Variants in UBE3B observed in about 807,000 individuals in gnomAD.
UBE3B encodes ubiquitin protein ligase E3B, also known as ubiquitin-protein ligase E3B.
In UBE3B, 80 loss-of-function variants were observed where a neutral mutation model predicts 132.3. The observed-to-expected ratio is 0.60, with a 90% confidence interval of 0.50 to 0.73. The LOEUF (loss-of-function observed/expected upper bound fraction) is 0.73, where lower values mean the gene tolerates loss of function less well. Among genes scored for constraint, UBE3B ranks in the 30% least tolerant of loss-of-function variants. The pLI is 0.00. For synonymous variants in UBE3B, 487 were observed against 520.4 expected, an observed-to-expected ratio of 0.94 and a Z score of 0.87; for missense variants, 1,196 against 1,362.5, an observed-to-expected ratio of 0.88 and a Z score of 1.92.
intron 24 of UBE3B, 37 bp from the exon 25 acceptor site, chr12:109,529,853 T>G (rs764759169): frequency 6.2e-7 from 1 of 1,612,534 alleles, no homozygotes; most frequent in East Asian, 2.2e-5. Context: ...CCCCGTCCTG[T>G]TAATTGTCAT....
At position 109,536,149 on chromosome 12, in the gene UBE3B, G is replaced by T. The variant is rs1455432414; in HGVS notation, c.*1367G>T. ...AGCTGCATCCTGGTGTCCCACCCAG[G>T]TCGAGCCCCCAGGCTTCTGGAAAAG... On this transcript the variant is annotated 3_prime_UTR_variant, in exon 28 of 28. Coordinates refer to ENST00000342494, the MANE Select transcript of UBE3B (RefSeq NM_130466.4). 6.6e-6 allele frequency: 1 copy of T among 152,272 alleles called. No individual in the cohort carries two copies. The highest frequency in any genetic ancestry group is 2.4e-5 in the African/African-American group (1 of 41,472). 9.4% of individuals were successfully genotyped at this position (152,272 alleles called of 1,614,324 possible). A position where few individuals can be genotyped will look rare whatever the true frequency, so the allele number is the denominator to read the frequency against.
intron 6 of UBE3B, among the ~76,000 whole-genome samples, chr12:109,487,987 C>T (rs1876804092): frequency 6.6e-6 from 1 of 152,196 alleles, no homozygotes; most frequent in South Asian, 2.1e-4. Context: ...AATGAACTGT[C>T]ATCAAAATTA....
intron 18 of UBE3B, among the ~76,000 whole-genome samples, chr12:109,516,481 G>C (rs1038763712): frequency 6.6e-6 from 1 of 152,158 alleles, no homozygotes; most frequent in Non-Finnish European, 1.5e-5. Context: ...CCAGCCTTGA[G>C]GAGGATTTTC....
intron 4 of UBE3B, among the ~76,000 whole-genome samples, chr12:109,484,864 C>G (rs1425925983): frequency 6.6e-6 from 1 of 152,104 alleles, no homozygotes; most frequent in East Asian, 1.9e-4. Flanking sequence ...TCAAACGATT[C>G]TTCTGCCTCA....
intron 19 of UBE3B, chr12:109,520,462 G>C (rs1295796075): frequency 1.3e-5 from 2 of 152,480 alleles, no homozygotes; most frequent in Non-Finnish European, 2.9e-5. Context: ...TCCTAACAGA[G>C]CTGACCACCA....
intron 8 of UBE3B, chr12:109,490,638 A>T: frequency 1.3e-6 from 2 of 1,519,248 alleles, no homozygotes; most frequent in Non-Finnish European, 8.8e-7. Context: ...CTTCTAAAAT[A>T]ATATGATGTC....
intron 14 of UBE3B, among the ~76,000 whole-genome samples, chr12:109,507,097 A>G (rs1393587139): frequency 3.3e-5 from 5 of 152,246 alleles, no homozygotes; most frequent in Non-Finnish European, 7.3e-5. Flanking sequence ...ATTTAACAGC[A>G]GAGACCTTCT....
intron 5 of UBE3B, 100 bp downstream of exon 5, chr12:109,486,171 A>C: frequency 8.0e-7 from 1 of 1,248,134 alleles, no homozygotes; most frequent in Non-Finnish European, 1.1e-6. Context: ...TTCACACACA[A>C]ATGCAAATAA....
intron 13 of UBE3B, among the ~76,000 whole-genome samples, chr12:109,502,528 C>T (rs918994406): frequency 3.3e-5 from 5 of 152,162 alleles, no homozygotes; most frequent in Non-Finnish European, 7.3e-5. Flanking sequence ...TAGCAGTAAG[C>T]GTGGGCTCAG....
chr12:109,534,827 C>A lies in UBE3B; in HGVS notation c.*45C>A. 6.9e-7 allele frequency: 1 copy of A among 1,445,340 alleles called. No homozygotes were observed. Among genetic ancestry groups the A allele is most frequent in the Non-Finnish European group, 9.2e-7 (1 of 1,082,876 alleles). The allele number at this position is 1,445,340 out of a possible 1,614,324, so 89.5% of individuals were successfully genotyped here. On this transcript the variant is annotated 3_prime_UTR_variant, in exon 28 of 28. Transcript: ENST00000342494. This position sits in a 1 kb window ranked among gnomAD's most constrained non-coding sequence, Gnocchi z 5.2. ...TCCAGGGCTCCTGGGCTGCCAGGGA[C>A]CTTCAGCTCCCAGAGGCAGTGTGGT...
At position 109,516,745 on chromosome 12, in the gene UBE3B, C is replaced by G; in HGVS notation, c.1957-20C>G. 1.2e-6 allele frequency: 2 copies of G among 1,605,902 alleles called. No homozygotes were observed. Among genetic ancestry groups the G allele is most frequent in the Non-Finnish European group, 1.7e-6 (2 of 1,173,958 alleles). On this transcript the variant is annotated intron_variant, in intron 18 of 27. Coordinates refer to ENST00000342494, the MANE Select transcript of UBE3B (RefSeq NM_130466.4). ...CAGTTTGCTGACCCTGTTTTCTGAT[C>G]CCGCCTTTGTTCATTTTAGAGAGTT...
rs370952056 is a variant in UBE3B at position 109,511,312 on chromosome 12, C to G, written c.1956+9C>G. 218 of 1,612,966 alleles carry G rather than the reference C, an allele frequency of 1.4e-4. 1 individual carries two copies. The highest frequency in any genetic ancestry group is 1.8e-4 in the Non-Finnish European group (213 of 1,179,122). On this transcript the variant is annotated intron_variant, in intron 18 of 27. Coordinates refer to ENST00000342494, the MANE Select transcript of UBE3B (RefSeq NM_130466.4). ...TCATCCCTCACAAAAACGTGAGTTG[C>G]ACTCAGAGCTGGGCCCCGATGTGTC...
intron 14 of UBE3B, 148 bp downstream of exon 14, chr12:109,503,338 T>A (rs1308524959): frequency 9.9e-7 from 1 of 1,010,112 alleles, no homozygotes; most frequent in Non-Finnish European, 1.4e-6. Flanking sequence ...TAGAGATTAG[T>A]CCACCTCAGT....
chr12:109,489,702 A>T (rs1432750557), intron 7 of UBE3B, among the ~76,000 whole-genome samples: 1 of 152,168 alleles, frequency 6.6e-6, no homozygotes, highest in African/African-American at 2.4e-5. Context: ...CCCATCACTC[A>T]AGAGGTGACA....
At position 109,521,584 on chromosome 12, in the gene UBE3B, TA is replaced by T. The variant is rs67731731; in HGVS notation, c.2364+37del. 259,166 of 1,514,048 alleles carry T rather than the reference TA, an allele frequency of 0.17. 22,795 individuals are homozygous for T. Among genetic ancestry groups the T allele is most frequent in the Middle Eastern group, 0.19 (1,075 of 5,662 alleles). 93.8% of individuals were successfully genotyped at this position (1,514,048 alleles called of 1,614,324 possible). A position where few individuals can be genotyped will look rare whatever the true frequency, so the allele number is the denominator to read the frequency against. On this transcript the variant is annotated intron_variant, in intron 21 of 27. Coordinates refer to ENST00000342494, the MANE Select transcript of UBE3B (RefSeq NM_130466.4). This position sits in a 1 kb window ranked among gnomAD's most constrained non-coding sequence, Gnocchi z 4.2. ...CGTTAAGAAACAGAGAAATGTAAAA[TA>T]AAATGTTAACGGTACCATGGGCTTC...
rs897963833 is a variant in UBE3B, at chr12:109,536,520, A to G, written c.*1738A>G. ...AGGGGTAGTTTGTAATTTCATTTAA[A>G]TTCTTTTCAGCAGCTGGAAATATTG... is the stretch of plus-strand genomic sequence containing the variant. On this transcript the variant is annotated 3_prime_UTR_variant, in exon 28 of 28. Transcript: ENST00000342494. 6.6e-6 allele frequency: 1 copy of G among 152,194 alleles called. No homozygotes were observed. Among genetic ancestry groups the G allele is most frequent in the African/African-American group, 2.4e-5 (1 of 41,440 alleles). The allele number at this position is 152,194 out of a possible 1,614,324, so 9.4% of individuals were successfully genotyped here.
At chr12:109,519,217 A>T (rs1881414005) in intron 19 of UBE3B, among the ~76,000 whole-genome samples, 2 of 152,202 alleles carry the variant, frequency 1.3e-5, no homozygotes, top group South Asian at 4.1e-4. Flanking sequence ...GATATCAGTG[A>T]TAGAGCTGGG....
intron 12 of UBE3B, 89 bp from the exon 13 acceptor site, chr12:109,501,282 G>A (rs1435275738): frequency 6.6e-6 from 10 of 1,515,430 alleles, no homozygotes; most frequent in South Asian, 2.4e-5. Flanking sequence ...CTACAGCTCC[G>A]AGTGGAAGGC....
Position 109,534,068 on chromosome 12 carries a change from T to C in UBE3B, c.3015+510T>C, listed in dbSNP as rs1324364947. 7.7e-7 allele frequency: 1 copy of C among 1,294,340 alleles called. No homozygotes were observed. Among genetic ancestry groups the C allele is most frequent in the Non-Finnish European group, 1.0e-6 (1 of 992,702 alleles). 80.2% of individuals were successfully genotyped at this position (1,294,340 alleles called of 1,614,324 possible). On this transcript the variant is annotated intron_variant, in intron 27 of 27. Coordinates refer to ENST00000342494, the MANE Select transcript of UBE3B (RefSeq NM_130466.4). The surrounding 1 kb of genome is among the most constrained non-coding windows in gnomAD (Gnocchi z 5.2). ...CCCACTGTGGGTGCTCAAATGAGAG[T>C]CCTACTCCCCATAAAAACCCAGTGG... is the stretch of plus-strand genomic sequence containing the variant.
Sources: allele counts gnomAD v4.1 joint callset (sites outside exome capture counted in the v4.1 genomes callset), GRCh38; gene constraint gnomAD v4.1.1; non-coding constraint Gnocchi (gnomAD v3.1); transcripts MANE v1.5; gene names NCBI Gene and HGNC (gene_info 2026-07-23, HGNC 2026-07-21).